The following MACROD2 variants were observed in gnomAD, a reference collection of about 807,000 sequenced individuals.
MACROD2 encodes the protein mono-ADP ribosylhydrolase 2.
In MACROD2, 36 loss-of-function variants were observed where a neutral mutation model predicts 70.4. The observed-to-expected ratio is 0.51, with a 90% CI of 0.39 to 0.68. MACROD2 has a LOEUF of 0.68. Ranked by LOEUF, MACROD2 falls within the 30% of genes least tolerant of loss-of-function variation. The probability of loss-of-function intolerance (pLI) is 0.00; values close to 1 mark genes in which losing one functional copy is unlikely to be tolerated. For missense variants in MACROD2, 496 were observed against 538.4 expected, an observed-to-expected ratio of 0.92 and a Z score of 0.78; for synonymous variants, 172 against 178.8, an observed-to-expected ratio of 0.96 and a Z score of 0.30.
intron 2 of MACROD2, among the ~76,000 whole-genome samples, chr20:14,012,274 T>G (rs28794917): frequency 0.15 from 23,072 of 152,212 alleles, 1,943 homozygotes; most frequent in Admixed American, 0.22. Context: ...CATTAAATTC[T>G]TCAGCTTTAG....
At chr20:15,489,712 T>C (rs1292304932) in intron 7 of MACROD2, among the ~76,000 whole-genome samples, 1 of 152,164 alleles carries the variant, frequency 6.6e-6, no homozygotes, top group Non-Finnish European at 1.5e-5. Context: ...CTTTGGGGTT[T>C]CAAACCGTGT....
chr20:14,728,265 A>G (rs1451734006), intron 5 of MACROD2, among the ~76,000 whole-genome samples: 2 of 152,206 alleles, frequency 1.3e-5, no homozygotes, highest in African/African-American at 4.8e-5. Context: ...TACAGTGTTA[A>G]TTCATAAGTG....
chr20:15,506,999 A>G (rs1471263676), intron 8 of MACROD2, among the ~76,000 whole-genome samples: 1 of 152,204 alleles, frequency 6.6e-6, no homozygotes, highest in African/African-American at 2.4e-5. Context: ...CCTATGCAGT[A>G]ATGTGGTTAT....
chr20:14,372,042 C>A, intron 3 of MACROD2, among the ~76,000 whole-genome samples: 1 of 151,892 alleles, frequency 6.6e-6, no homozygotes, highest in East Asian at 1.9e-4. Flanking sequence ...TTTCCTTGAC[C>A]ACGTTTTCCT....
intron 3 of MACROD2, among the ~76,000 whole-genome samples, chr20:14,393,012 C>G (rs1301855213): frequency 6.6e-6 from 1 of 152,198 alleles, no homozygotes; most frequent in East Asian, 1.9e-4. Flanking sequence ...TCCAAACTCA[C>G]CATATATTAA....
At chr20:14,129,922 T>A (rs2148698245) in intron 3 of MACROD2, among the ~76,000 whole-genome samples, 1 of 152,358 alleles carries the variant, frequency 6.6e-6, no homozygotes, top group East Asian at 1.9e-4. Context: ...AAACATAATT[T>A]TATATGCACT....
chr20:14,687,368 G>A (rs957976715), intron 5 of MACROD2, among the ~76,000 whole-genome samples: 1 of 152,120 alleles, frequency 6.6e-6, no homozygotes, highest in Non-Finnish European at 1.5e-5. Context: ...TTTTTTAAAT[G>A]TGCTTGTATC....
chr20:15,591,026 A>T (rs565182538), intron 8 of MACROD2, among the ~76,000 whole-genome samples: 1 of 152,176 alleles, frequency 6.6e-6, no homozygotes, highest in Non-Finnish European at 1.5e-5. Flanking sequence ...AGAAAGAGAA[A>T]GAAAGAAAAG....
intron 6 of MACROD2, among the ~76,000 whole-genome samples, chr20:15,364,099 C>T (rs746736678): frequency 2.0e-5 from 3 of 152,126 alleles, no homozygotes; most frequent in Non-Finnish European, 4.4e-5. Flanking sequence ...TGTGAATATA[C>T]GGCTGCATAG....
At chr20:14,950,524 G>A (rs964619066) in intron 5 of MACROD2, among the ~76,000 whole-genome samples, 6 of 152,138 alleles carry the variant, frequency 3.9e-5, no homozygotes, top group African/African-American at 1.4e-4. Flanking sequence ...ACAAGGACCT[G>A]GTCTCACCAA....
intron 3 of MACROD2, among the ~76,000 whole-genome samples, chr20:14,155,571 C>G (rs112534831): frequency 5.3e-5 from 8 of 152,124 alleles, no homozygotes; most frequent in Admixed American, 1.3e-4. Flanking sequence ...TCACCTAATT[C>G]AACTTTAAGC....
chr20:15,374,212 A>T (rs1012630815), intron 6 of MACROD2, among the ~76,000 whole-genome samples: 9 of 151,920 alleles, frequency 5.9e-5, no homozygotes, highest in African/African-American at 2.2e-4. Flanking sequence ...GCACATACAC[A>T]CATATAAGTG....
intron 1 of MACROD2, among the ~76,000 whole-genome samples, chr20:13,999,707 AAGAGGTTAAGTAACCTAC>A (rs2052707561): frequency 6.6e-6 from 1 of 152,218 alleles, no homozygotes; most frequent in African/African-American, 2.4e-5. Flanking sequence ...CTGAAACATA[AAGAGGTTAAGTAACCTAC>A]AGATTTGCAC....
chr20:15,755,363 G>A (rs1349422836), intron 8 of MACROD2, among the ~76,000 whole-genome samples: 1 of 152,204 alleles, frequency 6.6e-6, no homozygotes, highest in East Asian at 1.9e-4. Context: ...TCAAATGTAA[G>A]AAGAAGTTTA....
intron 5 of MACROD2, among the ~76,000 whole-genome samples, chr20:14,992,305 G>T (rs925519641): frequency 2.6e-5 from 4 of 152,150 alleles, no homozygotes; most frequent in African/African-American, 7.2e-5. Context: ...ACACAATGGT[G>T]TCTCTATCTG....
intron 8 of MACROD2, among the ~76,000 whole-genome samples, chr20:15,516,437 A>G (rs954232726): frequency 6.6e-6 from 1 of 152,190 alleles, no homozygotes; most frequent in Non-Finnish European, 1.5e-5. Flanking sequence ...AGCAGTTGAT[A>G]TACAATTCCT....
intron 5 of MACROD2, among the ~76,000 whole-genome samples, chr20:14,981,169 AC>A (rs1400367738): frequency 6.6e-6 from 1 of 152,088 alleles, no homozygotes; most frequent in Non-Finnish European, 1.5e-5. Flanking sequence ...TCAAGGTCCT[AC>A]ACTGAGGTGA....
At chr20:15,845,911 T>G (rs2064225735) in intron 8 of MACROD2, among the ~76,000 whole-genome samples, 2 of 152,158 alleles carry the variant, frequency 1.3e-5, no homozygotes, top group Non-Finnish European at 2.9e-5. Flanking sequence ...CCAATGAAAT[T>G]TAAGCCTATT....
chr20:15,707,362 T>C (rs935119926), intron 8 of MACROD2, among the ~76,000 whole-genome samples: 3 of 152,106 alleles, frequency 2.0e-5, no homozygotes, highest in African/African-American at 7.2e-5. Flanking sequence ...GTCAACAAAA[T>C]CAACAAATAA....
Sources: allele counts gnomAD v4.1 joint callset (sites outside exome capture counted in the v4.1 genomes callset), GRCh38; gene constraint gnomAD v4.1.1; transcripts MANE v1.5; gene names NCBI Gene and HGNC (gene_info 2026-07-23, HGNC 2026-07-21).